Variants in MYO5B observed in about 807,000 individuals in gnomAD.
The protein encoded by MYO5B is myosin VB, also known as unconventional myosin-Vb.
MYO5B carries 143 observed loss-of-function variants against 229.3 expected under a neutral mutation model. That is an observed-to-expected ratio of 0.62 (90% confidence interval 0.54 to 0.72). The LOEUF (loss-of-function observed/expected upper bound fraction) is 0.72, where lower values mean the gene tolerates loss of function less well. Ranked by LOEUF, MYO5B falls within the 30% of genes least tolerant of loss-of-function variation. MYO5B has a pLI of 0.00. For synonymous variants in MYO5B, 918 were observed against 885.2 expected (o/e 1.04, Z -0.66); for missense variants, 2,321 against 2,331.0 (o/e 1.00, Z 0.09).
chr18:49,995,748 C>A (rs2025980938), intron 5 of MYO5B, among the ~76,000 whole-genome samples: 1 of 152,140 alleles, frequency 6.6e-6, no homozygotes, highest in South Asian at 2.1e-4. Context: ...AACAGAATGA[C>A]AATATCAGCA....
At chr18:49,872,373 C>T (rs2024465515) in intron 26 of MYO5B, 141 bp from the exon 27 acceptor site, 2 of 821,792 alleles carry the variant, frequency 2.4e-6, no homozygotes, top group Non-Finnish European at 4.3e-6. Flanking sequence ...CCACTTCCTT[C>T]CCACCTTCAA....
In MYO5B at chr18:49,847,169, A is replaced by C; in HGVS notation, c.4436T>G (p.Leu1479Arg). ...ACCTGTCACCAGGTTCCGGATGAGG[A>C]GGGCCTCGTCCTCTTTGTGGTACTC... ...MLEYHKEDEA[L>R]LIRNLVTDLK... The change falls in exon 33 of 40, where the codon CTC becomes CGC. Residue 1479 changes from leucine (L) to arginine (R), a missense_variant. Leu to Arg is a moderately radical substitution (Grantham distance 102). Around this residue, in one of 2 missense-constraint regions of MYO5B, gnomAD observed 2,113 missense variants for 2,044.7 expected, o/e 1.03. Coordinates refer to ENST00000285039, the MANE Select transcript of MYO5B (RefSeq NM_001080467.3). 1 of 1,614,016 alleles carries C rather than the reference A, an allele frequency of 6.2e-7. No individual in the cohort carries two copies. Among genetic ancestry groups the C allele is most frequent in the Non-Finnish European group, 8.5e-7 (1 of 1,180,022 alleles).
At chr18:49,879,941 G>A (rs1456110918) in intron 23 of MYO5B, among the ~76,000 whole-genome samples, 2 of 152,212 alleles carry the variant, frequency 1.3e-5, no homozygotes, top group Admixed American at 6.5e-5. Context: ...ACCCAGCAAT[G>A]ACGACAGCTC....
intron 10 of MYO5B, among the ~76,000 whole-genome samples, chr18:49,970,508 G>A (rs2025679319): frequency 6.6e-6 from 1 of 152,174 alleles, no homozygotes; most frequent in Admixed American, 6.5e-5. Context: ...AGCTAACTAT[G>A]AGTCAGAACA....
chr18:49,879,170 C>T, intron 23 of MYO5B, 80 bp from the exon 24 acceptor site: 4 of 1,582,880 alleles, frequency 2.5e-6, no homozygotes, highest in Non-Finnish European at 3.5e-6. Flanking sequence ...CGATTAATCT[C>T]TTGTTAAGAG....
chr18:50,041,601 A>G (rs910973783), intron 2 of MYO5B, among the ~76,000 whole-genome samples: 4 of 151,440 alleles, frequency 2.6e-5, no homozygotes, highest in Non-Finnish European at 2.9e-5. Flanking sequence ...CCATTTAGGG[A>G]AAAAAAAATT....
At chr18:50,166,630 A>G (rs2032856109) in intron 1 of MYO5B, among the ~76,000 whole-genome samples, 1 of 152,212 alleles carries the variant, frequency 6.6e-6, no homozygotes, top group South Asian at 2.1e-4. Flanking sequence ...AGTACACAAA[A>G]TAAAAAGTAA....
At chr18:49,981,214 G>A (rs2144294538) in intron 8 of MYO5B, among the ~76,000 whole-genome samples, 1 of 152,354 alleles carries the variant, frequency 6.6e-6, no homozygotes, top group African/African-American at 2.4e-5. Context: ...CTCTTAATTT[G>A]TATTTAGCTT....
chr18:50,069,765 A>C (rs910289208), intron 1 of MYO5B, among the ~76,000 whole-genome samples: 22 of 152,156 alleles, frequency 1.4e-4, no homozygotes, highest in Non-Finnish European at 5.9e-5. Context: ...CCTAAAAAAA[A>C]CTGAACCCAG....
intron 1 of MYO5B, among the ~76,000 whole-genome samples, chr18:50,127,831 C>T (rs1308525472): frequency 6.6e-6 from 1 of 152,234 alleles, no homozygotes; most frequent in Non-Finnish European, 1.5e-5. Flanking sequence ...GCCCTCCCCA[C>T]TGCGGGTGGG....
At chr18:49,954,103 T>C (rs2025464560) in intron 13 of MYO5B, among the ~76,000 whole-genome samples, 1 of 151,150 alleles carries the variant, frequency 6.6e-6, no homozygotes, top group Non-Finnish European at 1.5e-5. Context: ...ACTGGGCAAC[T>C]ATAGTACCCC....
chr18:49,904,587 A>G (rs1268211692), intron 20 of MYO5B, 85 bp downstream of exon 20: 4 of 1,564,030 alleles, frequency 2.6e-6, no homozygotes, highest in Non-Finnish European at 3.5e-6. Flanking sequence ...GGAGTGCTTG[A>G]CAGAGGTTCA....
chr18:49,920,719 G>A (rs1053881033), intron 17 of MYO5B, among the ~76,000 whole-genome samples: 3 of 152,130 alleles, frequency 2.0e-5, no homozygotes, highest in African/African-American at 7.2e-5. Context: ...ATGCCTTCAG[G>A]GTAATGATTT....
At chr18:50,001,554 T>C (rs562811731) in intron 4 of MYO5B, 143 bp from the exon 5 acceptor site, 28 of 1,045,118 alleles carry the variant, frequency 2.7e-5, no homozygotes, top group Non-Finnish European at 3.4e-5. Context: ...AGTGTAAAAA[T>C]AGTCTGCCCT....
intron 14 of MYO5B, among the ~76,000 whole-genome samples, chr18:49,943,774 A>C (rs1355830598): frequency 3.9e-5 from 6 of 152,220 alleles, no homozygotes; most frequent in African/African-American, 1.4e-4. Context: ...TGCTAATGAA[A>C]ATAACCCACA....
intron 1 of MYO5B, among the ~76,000 whole-genome samples, chr18:50,178,312 T>A (rs573314960): frequency 6.6e-6 from 1 of 152,262 alleles, no homozygotes; most frequent in African/African-American, 2.4e-5. Context: ...CCCTGCTAAA[T>A]CAGAAAGTGT....
At chr18:50,005,079 ATTCATT>A (rs1307975844) in intron 4 of MYO5B, among the ~76,000 whole-genome samples, 1 of 152,218 alleles carries the variant, frequency 6.6e-6, no homozygotes, top group African/African-American at 2.4e-5. Flanking sequence ...TAGGTCTCTA[ATTCATT>A]TTAATACTCC....
chr18:50,119,008 A>T (rs2032014610), intron 1 of MYO5B, among the ~76,000 whole-genome samples: 1 of 152,172 alleles, frequency 6.6e-6, no homozygotes, highest in Non-Finnish European at 1.5e-5. Flanking sequence ...TCTTGTCTCT[A>T]CCTATAAGAT....
At chr18:49,889,236 G>C (rs2024681452) in intron 22 of MYO5B, among the ~76,000 whole-genome samples, 1 of 152,202 alleles carries the variant, frequency 6.6e-6, no homozygotes, top group Non-Finnish European at 1.5e-5. Context: ...ATACAATGTA[G>C]GAAAACACTC....
Sources: allele counts gnomAD v4.1 joint callset (sites outside exome capture counted in the v4.1 genomes callset), GRCh38; gene constraint gnomAD v4.1.1; regional missense constraint gnomAD v4.1.1; transcripts MANE v1.5; gene names NCBI Gene and HGNC (gene_info 2026-07-23, HGNC 2026-07-21).